The following NUCB2 variants were observed in gnomAD, a reference collection of about 807,000 sequenced individuals.
NUCB2 encodes the protein nucleobindin-2.
A neutral mutation model predicts 57.9 loss-of-function variants in NUCB2; 48 were observed. The observed-to-expected ratio is 0.83, with a 90% CI of 0.66 to 1.05. The LOEUF (loss-of-function observed/expected upper bound fraction) is 1.05. NUCB2 is among the 50% of genes least tolerant of loss of function. NUCB2 has a pLI of 0.00. For synonymous variants in NUCB2, 139 were observed against 152.1 expected (o/e 0.91, Z 0.64); for missense variants, 442 against 476.2 (o/e 0.93, Z 0.67).
intron 11 of NUCB2, among the ~76,000 whole-genome samples, chr11:17,318,085 C>T (rs540911690): frequency 6.6e-6 from 1 of 151,342 alleles, no homozygotes; most frequent in East Asian, 2.0e-4. Flanking sequence ...GCAACCTCTG[C>T]CCCCATCCCC....
intron 2 of NUCB2, among the ~76,000 whole-genome samples, chr11:17,343,317 A>G (rs898498941): frequency 6.6e-6 from 1 of 152,184 alleles, no homozygotes; most frequent in Non-Finnish European, 1.5e-5. Flanking sequence ...AGAGAAAAAA[A>G]AATTGCATCT....
At chr11:17,288,519 T>G (rs1944181271) in intron 2 of NUCB2, among the ~76,000 whole-genome samples, 1 of 150,216 alleles carries the variant, frequency 6.7e-6, no homozygotes, top group African/African-American at 2.5e-5. Flanking sequence ...CCTATTTATT[T>G]TATTTTATCT....
chr11:17,316,406 A>G (rs1949254782), intron 11 of NUCB2, among the ~76,000 whole-genome samples: 1 of 152,232 alleles, frequency 6.6e-6, no homozygotes, highest in African/African-American at 2.4e-5. Context: ...GATTTTTAAA[A>G]TGACTACCCA....
intron 1 of NUCB2, chr11:17,278,519 C>T (rs1248380962): frequency 6.6e-6 from 1 of 152,012 alleles, no homozygotes; most frequent in Non-Finnish European, 1.5e-5. Flanking sequence ...TTGTGTTTAC[C>T]TTTCTTTGCT....
intron 2 of NUCB2, 33 bp from the exon 3 acceptor site, chr11:17,295,291 C>A (rs756025587): frequency 1.9e-6 from 3 of 1,582,032 alleles, no homozygotes; most frequent in South Asian, 1.1e-5. Flanking sequence ...AAACATTATT[C>A]ATGACTTTAC....
chr11:17,342,549 T>G lies in NUCB2; in HGVS notation n.2626+5015T>G, dbSNP rs1296583760. On this transcript the variant is annotated intron_variant and non_coding_transcript_variant, in intron 2 of 2. Transcript: ENST00000532240. ...GTTGGTTTCAAAGAACATCTTTATT[T>G]CTGCCTTCATTTCGTTATGTACCCA... 2.6e-5 allele frequency among the ~76,000 whole-genome samples: 4 copies of G among 151,204 alleles called. No individual in the cohort carries two copies. In the East Asian group the frequency reaches 7.7e-4, roughly 29 times the overall value.
intron 2 of NUCB2, among the ~76,000 whole-genome samples, chr11:17,342,335 T>G (rs1952343228): frequency 6.6e-6 from 1 of 152,232 alleles, no homozygotes; most frequent in Non-Finnish European, 1.5e-5. Flanking sequence ...TGATCTTAGT[T>G]ATTTCTTGCC....
intron 11 of NUCB2, among the ~76,000 whole-genome samples, chr11:17,329,088 G>A (rs1454525050): frequency 6.6e-6 from 1 of 152,100 alleles, no homozygotes; most frequent in African/African-American, 2.4e-5. Flanking sequence ...TGTCACCTGG[G>A]AGCTAGGGCC....
At chr11:17,308,034 A>AT (rs1477468484) in intron 5 of NUCB2, among the ~76,000 whole-genome samples, 6 of 151,846 alleles carry the variant, frequency 4.0e-5, no homozygotes, top group Non-Finnish European at 5.9e-5. Context: ...CTGTCTGGTC[A>AT]TTTTTTTTAG....
At chr11:17,329,518 A>G (rs923382626) in intron 11 of NUCB2, among the ~76,000 whole-genome samples, 8 of 152,328 alleles carry the variant, frequency 5.3e-5, no homozygotes, top group Non-Finnish European at 1.2e-4. Flanking sequence ...GCTCCTATGC[A>G]TGGGCAGTGG....
At chr11:17,311,987 C>T in intron 9 of NUCB2, 41 bp from the exon 10 acceptor site, 1 of 1,537,296 alleles carries the variant, frequency 6.5e-7, no homozygotes, top group Non-Finnish European at 8.8e-7. Context: ...TTTCCTGTTA[C>T]TTTCTTTCCT....
intron 1 of NUCB2, chr11:17,337,281 A>G (rs528292022): frequency 6.6e-6 from 1 of 152,230 alleles, no homozygotes; most frequent in Non-Finnish European, 1.5e-5. Context: ...AAAATCTGTT[A>G]ACTTAGAATA....
chr11:17,306,788 T>G (rs558635024), intron 5 of NUCB2, among the ~76,000 whole-genome samples: 1 of 152,002 alleles, frequency 6.6e-6, no homozygotes, highest in Non-Finnish European at 1.5e-5. Flanking sequence ...TGTGGTGGCA[T>G]GTGCTGCTAG....
At chr11:17,312,241 T>G (rs769219210) in intron 10 of NUCB2, 121 bp downstream of exon 10, 2 of 643,272 alleles carry the variant, frequency 3.1e-6, no homozygotes, top group Non-Finnish European at 5.2e-6. Context: ...TTTTTGTTTT[T>G]GTTTTTTTTT....
rs574353007 is a variant in NUCB2 at position 17,290,072 on chromosome 11, C to T, written c.1-5252C>T. Among the ~76,000 whole-genome samples, 10 of 152,228 alleles carry T rather than the reference C, an allele frequency of 6.6e-5. No individual in the cohort carries two copies. The South Asian group carries it at 1.7e-3, about 25-fold the overall frequency. On this transcript the variant is annotated intron_variant, in intron 2 of 13. Coordinates refer to ENST00000529010, the MANE Select transcript of NUCB2 (RefSeq NM_005013.4). ...ATCCTGTTGTGTTTTACTAACAAAA[C>T]GTAACATGGCTTTGTCTACTTGCAG...
At chr11:17,302,597 A>C (rs1388460488) in intron 5 of NUCB2, among the ~76,000 whole-genome samples, 1 of 151,866 alleles carries the variant, frequency 6.6e-6, no homozygotes, top group East Asian at 1.9e-4. Context: ...AGGAGACGAG[A>C]TCTTCCTCTG....
At chr11:17,304,907 C>T (rs1302227451) in intron 5 of NUCB2, among the ~76,000 whole-genome samples, 2 of 152,168 alleles carry the variant, frequency 1.3e-5, no homozygotes, top group African/African-American at 4.8e-5. Flanking sequence ...TACAAAGGCT[C>T]AGTGTTATAA....
chr11:17,336,389 A>G (rs1368583299), downstream of NUCB2, among the ~76,000 whole-genome samples: 1 of 152,140 alleles, frequency 6.6e-6, no homozygotes, highest in Admixed American at 6.6e-5. Flanking sequence ...TTTGAATTTG[A>G]GAATCTTAAA....
rs1555071216 is a variant in NUCB2 at position 17,288,963 on chromosome 11, A to ATTTTTTT, written c.-1+6026_-1+6032dup. On this transcript the variant is annotated intron_variant, in intron 2 of 13. Coordinates refer to ENST00000529010, the MANE Select transcript of NUCB2 (RefSeq NM_005013.4). ...CACACACACACACATATATATATAT[A>ATTTTTTT]TTTTTTTTTTTTGAGATGGAGTTTT... 1.6e-4 allele frequency among the ~76,000 whole-genome samples: 11 copies of ATTTTTTT among 68,096 alleles called. 2 individuals carry two copies. The highest frequency in any genetic ancestry group is 2.1e-4 in the African/African-American group (3 of 14,500). 44.7% of individuals were successfully genotyped at this position (68,096 alleles called of 152,430 possible). A position where few individuals can be genotyped will look rare whatever the true frequency, so the allele number is the denominator to read the frequency against.
Sources: gnomAD v4.1 joint callset for allele counts (sites outside exome capture counted in the v4.1 genomes callset) on GRCh38, gnomAD v4.1.1 for gene constraint, MANE v1.5 for transcripts, NCBI Gene and HGNC (gene_info 2026-07-23, HGNC 2026-07-21) for gene names.